Variants in VPS13D observed in about 807,000 individuals in gnomAD.
The protein encoded by VPS13D is intermembrane lipid transfer protein VPS13D.
In VPS13D, 187 loss-of-function variants were observed where a neutral mutation model predicts 461.9. The ratio of observed to expected loss-of-function variants is 0.40; its 90% confidence interval spans 0.36 to 0.46. The LOEUF (loss-of-function observed/expected upper bound fraction) is 0.46, where lower values mean the gene tolerates loss of function less well. Ranked by LOEUF, VPS13D falls within the 20% of genes least tolerant of loss-of-function variation. The pLI is 0.60. For synonymous variants in VPS13D, 1,951 were observed against 1,986.3 expected (o/e 0.98, Z 0.47); for missense variants, 4,711 against 5,364.9 (o/e 0.88, Z 3.81).
chr1:12,357,066 T>C (rs1361211286), intron 49 of VPS13D, among the ~76,000 whole-genome samples: 1 of 152,266 alleles, frequency 6.6e-6, no homozygotes, highest in East Asian at 1.9e-4. Flanking sequence ...AGATGACATG[T>C]GCTTTTAATG....
intron 48 of VPS13D, 143 bp from the exon 49 acceptor site, chr1:12,356,253 CTG>C: frequency 7.2e-7 from 1 of 1,389,778 alleles, no homozygotes; most frequent in Non-Finnish European, 9.6e-7. Flanking sequence ...ATGCTCAAAA[CTG>C]TCTTTTTAGG....
rs748700616 is a variant in VPS13D at position 12,290,968 on chromosome 1, A to AGTAATGTGTTCTAACTT, written c.5726-29_5726-13dup. The AGTAATGTGTTCTAACTT allele has an allele frequency of 3.1e-5, 49 of 1,579,448 alleles. No homozygotes were observed. The African/African-American group carries it at 6.5e-4, about 21-fold the overall frequency. On this transcript the variant is annotated intron_variant, in intron 22 of 69. Coordinates refer to ENST00000620676, the MANE Select transcript of VPS13D (RefSeq NM_015378.4). ...AGTTGTGTGACAAAAAAGGATACAT[A>AGTAATGTGTTCTAACTT]GTAATGTGTTCTAACTTTATCATCC...
In VPS13D at chr1:12,508,937, A is replaced by C. The variant is rs375485917; in HGVS notation, c.13080A>C (p.Glu4360Asp). 6.2e-7 allele frequency: 1 copy of C among 1,614,044 alleles called. No homozygotes were observed. The highest frequency in any genetic ancestry group is 1.3e-5 in the African/African-American group (1 of 74,914). ...SEVLAVKLSQ[E>D]INYAKSLYYE... ...TCCTTGCTGTCAAGTTGTCACAAGAAATAAACTACGCAAAGAGCCTCTACT... is the reference window on the plus strand; with the variant it reads ...TCCTTGCTGTCAAGTTGTCACAAGACATAAACTACGCAAAGAGCCTCTACT... Residue 4360 changes from glutamate to aspartate, a missense_variant, in exon 70 of 70, where the codon GAA becomes GAC. This residue lies in a region of VPS13D where 194 missense variants were observed against 220.9 expected (regional missense o/e 0.88). Coordinates refer to ENST00000620676, the MANE Select transcript of VPS13D (RefSeq NM_015378.4).
rs1478006290 is a variant in VPS13D at position 12,354,217 on chromosome 1, G to A, written c.9675G>A (p.Glu3225=). ...LHTADTSQNI[E]LGVSLENFPL... ...CAGCTGATACATCCCAGAACATTGA[G>A]CTGGGTAAGAATGTAGTCAGATGAT... The change falls in exon 47 of 70, where the codon GAG becomes GAA. Residue 3225 remains glutamate (E), a synonymous_variant. Coordinates refer to ENST00000620676, the MANE Select transcript of VPS13D (RefSeq NM_015378.4). The A allele has an allele frequency of 3.1e-6, 5 of 1,614,036 alleles. No homozygotes were observed. Among genetic ancestry groups the A allele is most frequent in the East Asian group, 2.2e-5 (1 of 44,888 alleles).
chr1:12,263,872 G>A (rs184013249), intron 13 of VPS13D, among the ~76,000 whole-genome samples: 26 of 152,288 alleles, frequency 1.7e-4, no homozygotes, highest in Non-Finnish European at 2.9e-4. Context: ...ATAGATACAG[G>A]CACACTTGAT....
At chr1:12,504,750 GGAGGACTT>G (rs1302903170) in intron 68 of VPS13D, among the ~76,000 whole-genome samples, 2 of 152,210 alleles carry the variant, frequency 1.3e-5, no homozygotes, top group Non-Finnish European at 1.5e-5. Flanking sequence ...CTGGCCTGAT[GGAGGACTT>G]GAACCATCTG....
In VPS13D at chr1:12,277,624, C is replaced by T; in HGVS notation, c.4036C>T (p.Pro1346Ser). ...CGAGATGGTATCGCTCTTTGAAACT[C>T]CAAGGAAGACTCGGGAACCCTTTAT... ...YSEMVSLFETPRKTREPFILE... is the reference protein window; with the variant it reads ...YSEMVSLFETSRKTREPFILE... The change falls in exon 19 of 70, where the codon CCA becomes TCA. Residue 1346 changes from proline (P) to serine (S), a missense_variant. Around this residue, in one of 3 missense-constraint regions of VPS13D, gnomAD observed 4,411 missense variants for 4,937.8 expected, o/e 0.89. Transcript: ENST00000620676. 1.2e-6 allele frequency: 2 copies of T among 1,613,958 alleles called. No homozygotes were observed. The highest frequency in any genetic ancestry group is 1.7e-6 in the Non-Finnish European group (2 of 1,180,008).
Position 12,327,676 on chromosome 1 carries a change from G to GT in VPS13D, c.8022dup (p.Lys2675Ter). 6.2e-7 allele frequency: 1 copy of GT among 1,614,110 alleles called. No individual in the cohort carries two copies. The highest frequency in any genetic ancestry group is 8.5e-7 in the Non-Finnish European group (1 of 1,180,012). ...AATTGAAAAAGGCAGCAAGTTGGTT[G>GT]TTTAAGAATGCGGAACCTCTGAAGT... On this transcript the variant is annotated frameshift_variant, in exon 36 of 70. Transcript: ENST00000620676. LOFTEE classifies it high-confidence loss of function.
At chr1:12,458,274 CT>C (rs1377604465) in intron 66 of VPS13D, among the ~76,000 whole-genome samples, 1 of 152,148 alleles carries the variant, frequency 6.6e-6, no homozygotes, top group Non-Finnish European at 1.5e-5. Flanking sequence ...ACTCAATCCC[CT>C]TGATGTAAGA....
intron 31 of VPS13D, among the ~76,000 whole-genome samples, chr1:12,319,108 A>G (rs1642964238): frequency 6.6e-6 from 1 of 152,254 alleles, no homozygotes; most frequent in South Asian, 2.1e-4. Flanking sequence ...GTGCCTGACC[A>G]GCATTAGTAG....
Position 12,318,314 on chromosome 1 carries a change from T to C in VPS13D, c.7391T>C (p.Leu2464Pro). Residue 2464 changes from leucine to proline, a missense_variant, in exon 31 of 70, where the codon CTG becomes CCG. Physicochemically the swap from Leu to Pro is moderately conservative, Grantham distance 98. This residue lies in a region of VPS13D where 4,411 missense variants were observed against 4,937.8 expected (regional missense o/e 0.89). Coordinates refer to ENST00000620676, the MANE Select transcript of VPS13D (RefSeq NM_015378.4). ...CTTCCTGTGTCCAATGAAAGGCACC[T>C]GGAGGTCAAGGTCAATGTAACAGGT... is the stretch of plus-strand genomic sequence containing the variant. ...SSLPVSNERH[L>P]EVKVNVTGTE... 6.2e-7 allele frequency: 1 copy of C among 1,611,882 alleles called. No homozygotes were observed. Among genetic ancestry groups the C allele is most frequent in the Non-Finnish European group, 8.5e-7 (1 of 1,178,058 alleles).
intron 26 of VPS13D, 90 bp downstream of exon 26, chr1:12,304,818 G>A: frequency 7.8e-7 from 1 of 1,286,532 alleles, no homozygotes; most frequent in Non-Finnish European, 1.1e-6. Flanking sequence ...TTGTGTTCAA[G>A]CAAATGTTAA....
chr1:12,454,251 G>C (rs185184562), intron 65 of VPS13D, among the ~76,000 whole-genome samples: 1 of 152,362 alleles, frequency 6.6e-6, no homozygotes, highest in African/African-American at 2.4e-5. Context: ...AGTTTGGTCA[G>C]ATGCCCCAGC....
chr1:12,341,707 T>C (rs1363288137), intron 40 of VPS13D, 73 bp from the exon 41 acceptor site: 6 of 1,402,608 alleles, frequency 4.3e-6, no homozygotes, highest in Non-Finnish European at 6.0e-6. Context: ...TTGGGCACTG[T>C]CTCCAGGTTG....
intron 35 of VPS13D, among the ~76,000 whole-genome samples, chr1:12,325,434 A>G (rs1303888974): frequency 6.6e-6 from 1 of 151,892 alleles, no homozygotes; most frequent in Non-Finnish European, 1.5e-5. Context: ...TAATTTTTGT[A>G]TTTTTAGTAG....
chr1:12,409,975 C>T, intron 63 of VPS13D: 1 of 450,986 alleles, frequency 2.2e-6, no homozygotes, highest in Non-Finnish European at 4.4e-6. Flanking sequence ...GTGAAGAAGC[C>T]AAGCAGAAAG....
At chr1:12,327,481 A>ACCACCC (rs1643221546) in intron 35 of VPS13D, among the ~76,000 whole-genome samples, 167 bp from the exon 36 acceptor site, 2 of 24,110 alleles carry the variant, frequency 8.3e-5, no homozygotes, top group Non-Finnish European at 8.8e-5. Flanking sequence ...CCCCACCCCC[A>ACCACCC]CCACCCCCAC....
intron 25 of VPS13D, 102 bp from the exon 26 acceptor site, chr1:12,304,404 G>C (rs1220491026): frequency 2.8e-6 from 3 of 1,068,446 alleles, no homozygotes; most frequent in Non-Finnish European, 4.1e-6. Flanking sequence ...GAAGACCCTA[G>C]GGACTGGGAT....
chr1:12,238,392 T>A (rs1640234558), intron 2 of VPS13D, among the ~76,000 whole-genome samples: 1 of 151,380 alleles, frequency 6.6e-6, no homozygotes, highest in Non-Finnish European at 1.5e-5. Flanking sequence ...GAGCTGTGAT[T>A]GTGCCACTGC....
Sources: gnomAD v4.1 joint callset for allele counts (sites outside exome capture counted in the v4.1 genomes callset) on GRCh38, gnomAD v4.1.1 for gene constraint, gnomAD v4.1.1 regional missense constraint, MANE v1.5 for transcripts, NCBI Gene and HGNC (gene_info 2026-07-23, HGNC 2026-07-21) for gene names.